CSMD1: variants seen among roughly 807,000 people sequenced by gnomAD.
The protein encoded by CSMD1 is CUB and sushi domain-containing protein 1.
Under a neutral mutation model 417.5 loss-of-function variants are expected in CSMD1, and 213 were observed. That is an observed-to-expected ratio of 0.51 (90% confidence interval 0.46 to 0.57). CSMD1 has a LOEUF of 0.57. Among genes scored for constraint, CSMD1 ranks in the 20% least tolerant of loss-of-function variants. CSMD1 has a pLI of 0.00. For synonymous variants in CSMD1, 2,862 were observed against 1,736.8 expected (o/e 1.65, Z -16.11); for missense variants, 6,923 against 4,529.7 (o/e 1.53, Z -15.17).
chr8:4,754,636 G>C lies in CSMD1; in HGVS notation c.86-117078C>G, dbSNP rs975421482. Among the ~76,000 whole-genome samples the C allele has an allele frequency of 5.3e-5, 8 of 151,784 alleles. 1 individual carries two copies. The highest frequency in any genetic ancestry group is 1.3e-4 in the Admixed American group (2 of 15,214). On this transcript the variant is annotated intron_variant, in intron 1 of 69. Coordinates refer to ENST00000635120, the MANE Select transcript of CSMD1 (RefSeq NM_033225.6). ...GGAGGCAGAGGTGGGTGGATCATGA[G>C]GTCAGGAGATCGAGACAATCCTGGC...
At chr8:4,288,583 T>C (rs998563414) in intron 3 of CSMD1, among the ~76,000 whole-genome samples, 1 of 152,210 alleles carries the variant, frequency 6.6e-6, no homozygotes, top group Non-Finnish European at 1.5e-5. Flanking sequence ...AGTTCAGCTC[T>C]ACGCATGCAG....
chr8:3,470,265 T>A (rs771322292), intron 11 of CSMD1, among the ~76,000 whole-genome samples: 1 of 152,228 alleles, frequency 6.6e-6, no homozygotes, highest in Non-Finnish European at 1.5e-5. Flanking sequence ...GTTTGTAGTA[T>A]TGTTTCATTT....
chr8:4,276,735 G>T (rs918656156), intron 3 of CSMD1, among the ~76,000 whole-genome samples: 1 of 152,162 alleles, frequency 6.6e-6, no homozygotes, highest in African/African-American at 2.4e-5. Context: ...AAAAGGAAAT[G>T]TATATGTGTT....
chr8:4,893,345 T>C (rs1424105286), intron 1 of CSMD1, among the ~76,000 whole-genome samples: 1 of 152,132 alleles, frequency 6.6e-6, no homozygotes, highest in African/African-American at 2.4e-5. Context: ...TTAGTATTTT[T>C]CTGTCACTTT....
intron 3 of CSMD1, among the ~76,000 whole-genome samples, chr8:4,186,448 A>C (rs774357469): frequency 7.2e-5 from 11 of 152,120 alleles, no homozygotes; most frequent in African/African-American, 2.7e-4. Flanking sequence ...CCAGGTTTCC[A>C]CCTTGTAAAA....
At chr8:3,242,570 T>C (rs762653841) in intron 26 of CSMD1, among the ~76,000 whole-genome samples, 2 of 152,044 alleles carry the variant, frequency 1.3e-5, no homozygotes, top group Non-Finnish European at 2.9e-5. Flanking sequence ...CTGTCGAGTT[T>C]GTACTGGGGT....
chr8:3,786,008 G>A (rs964723139), intron 5 of CSMD1, among the ~76,000 whole-genome samples: 3 of 152,148 alleles, frequency 2.0e-5, no homozygotes, highest in Non-Finnish European at 4.4e-5. Flanking sequence ...CTGGGCTGGT[G>A]GGCATTGGGG....
chr8:3,093,306 G>A (rs78673337), intron 47 of CSMD1, among the ~76,000 whole-genome samples: 6,957 of 152,242 alleles, frequency 0.046, 184 homozygotes, highest in Middle Eastern at 0.078. Flanking sequence ...AGGGAGGCTT[G>A]GAGGAGAGTC....
chr8:4,879,192 A>G (rs932385465), intron 1 of CSMD1, among the ~76,000 whole-genome samples: 1 of 152,060 alleles, frequency 6.6e-6, no homozygotes, highest in Non-Finnish European at 1.5e-5. Flanking sequence ...AGGCACAGAG[A>G]GACAGGCCAA....
rs548203712 is a variant in CSMD1 at position 4,096,781 on chromosome 8, C to T, written c.416-64682G>A. On this transcript the variant is annotated intron_variant, in intron 3 of 69. Transcript: ENST00000635120. ...TTCCCTGCAATTTAGAAGACACTTG[C>T]GGAGTTGCACTCCGACGCTGTCTTC... Among the ~76,000 whole-genome samples, 23 of 152,250 alleles carry T rather than the reference C, an allele frequency of 1.5e-4. No individual in the cohort carries two copies. In the South Asian group the frequency reaches 4.4e-3, roughly 29 times the overall value.
chr8:3,294,237 G>GT (rs1803794539), intron 25 of CSMD1, among the ~76,000 whole-genome samples: 2 of 152,050 alleles, frequency 1.3e-5, no homozygotes, highest in Admixed American at 6.6e-5. Context: ...GCCCCTACTG[G>GT]GGGGTGCCTC....
At chr8:4,976,602 G>C (rs1488277194) in intron 1 of CSMD1, among the ~76,000 whole-genome samples, 1 of 152,098 alleles carries the variant, frequency 6.6e-6, no homozygotes, top group Non-Finnish European at 1.5e-5. Context: ...TTTATAAACA[G>C]CTTAAAGACA....
At chr8:4,383,349 G>C (rs984048937) in intron 3 of CSMD1, among the ~76,000 whole-genome samples, 2 of 152,148 alleles carry the variant, frequency 1.3e-5, no homozygotes, top group Non-Finnish European at 2.9e-5. Flanking sequence ...TTTATGATGA[G>C]AGAGTTTTCT....
chr8:3,206,561 GTGTA>G (rs1477627557), intron 30 of CSMD1, among the ~76,000 whole-genome samples: 11 of 67,576 alleles, frequency 1.6e-4, no homozygotes, highest in Non-Finnish European at 2.4e-4. Context: ...ATGTCTGTGT[GTGTA>G]TGTGTGTGTG....
chr8:4,861,090 A>G (rs146822184), intron 1 of CSMD1, among the ~76,000 whole-genome samples: 1 of 152,152 alleles, frequency 6.6e-6, no homozygotes, highest in East Asian at 1.9e-4. Context: ...ATCTTATCTT[A>G]TTTTTAGGGG....
intron 25 of CSMD1, among the ~76,000 whole-genome samples, chr8:3,286,424 C>G (rs956630575): frequency 1.3e-5 from 2 of 152,104 alleles, no homozygotes; most frequent in Non-Finnish European, 2.9e-5. Context: ...AATGGTTGAA[C>G]TAGTTTACAG....
chr8:3,552,935 T>C (rs955031782), intron 10 of CSMD1, among the ~76,000 whole-genome samples: 29 of 152,260 alleles, frequency 1.9e-4, no homozygotes, highest in African/African-American at 7.0e-4. Context: ...TGTTATAATT[T>C]TTGATAAAAC....
chr8:4,163,059 G>C (rs1250315976), intron 3 of CSMD1, among the ~76,000 whole-genome samples: 2 of 152,116 alleles, frequency 1.3e-5, no homozygotes, highest in East Asian at 3.9e-4. Context: ...TCTTTGCATG[G>C]CTTTCGGTTA....
intron 25 of CSMD1, among the ~76,000 whole-genome samples, chr8:3,292,986 A>T (rs1393680482): frequency 6.6e-6 from 1 of 151,720 alleles, no homozygotes; most frequent in Non-Finnish European, 1.5e-5. Flanking sequence ...TTCCATGTTT[A>T]GTGCTTCCTT....
Sources: gnomAD v4.1 joint callset for allele counts (sites outside exome capture counted in the v4.1 genomes callset) on GRCh38, gnomAD v4.1.1 for gene constraint, MANE v1.5 for transcripts, NCBI Gene and HGNC (gene_info 2026-07-23, HGNC 2026-07-21) for gene names.